EXOSC10: variants seen among roughly 807,000 people sequenced by gnomAD.
EXOSC10 encodes the protein exosome component 10, also known as exosome complex component 10.
A neutral mutation model predicts 126.6 loss-of-function variants in EXOSC10; 94 were observed. That is an observed-to-expected ratio of 0.74 (90% CI 0.63 to 0.88). The LOEUF is 0.88. Among genes scored for constraint, EXOSC10 ranks in the 40% least tolerant of loss-of-function variants. The pLI, the probability that EXOSC10 is intolerant of heterozygous loss-of-function variation, is 0.00. For missense variants in EXOSC10, 1,041 were observed against 1,100.5 expected (o/e 0.95, Z 0.77); for synonymous variants, 395 against 400.8 (o/e 0.99, Z 0.17).
At chr1:11,067,313 T>TG (rs1426297793) in intron 24 of EXOSC10, among the ~76,000 whole-genome samples, 1 of 151,958 alleles carries the variant, frequency 6.6e-6, no homozygotes, top group Non-Finnish European at 1.5e-5. Context: ...GCGCCTGTGG[T>TG]CCCAGCTACT....
At chr1:11,087,149 C>A (rs1424588825) in intron 9 of EXOSC10, among the ~76,000 whole-genome samples, 2 of 152,300 alleles carry the variant, frequency 1.3e-5, no homozygotes, top group Admixed American at 6.5e-5. Context: ...CAATGAGACA[C>A]ATGAAAGCAG....
In EXOSC10 at chr1:11,099,806, G is replaced by A. The variant is rs748358094; in HGVS notation, c.26C>T (p.Pro9Leu). The A allele has an allele frequency of 1.9e-6, 3 of 1,611,666 alleles. No homozygotes were observed. The highest frequency in any genetic ancestry group is 2.5e-6 in the Non-Finnish European group (3 of 1,178,894). MAPPSTRE[P>L]RVLSATSATK... Reference sequence around the variant, plus strand: ...TGCGCTGGTCGCCGACAGGACCCTGGGCTCCCGGGTACTGGGTGGCGCCAT... The same window carrying A: ...TGCGCTGGTCGCCGACAGGACCCTGAGCTCCCGGGTACTGGGTGGCGCCAT... Residue 9 changes from proline to leucine, a missense_variant, in exon 1 of 25, where the codon CCC (proline) becomes CTC (leucine). Transcript: ENST00000376936.
chr1:11,071,524 C>T (rs1639489627), intron 20 of EXOSC10: 2 of 166,516 alleles, frequency 1.2e-5, no homozygotes, highest in African/African-American at 4.8e-5. Flanking sequence ...TGCCATGTCT[C>T]CTATCCCTTC....
At chr1:11,093,351 T>C (rs982893333) in intron 3 of EXOSC10, among the ~76,000 whole-genome samples, 1 of 152,228 alleles carries the variant, frequency 6.6e-6, no homozygotes. Context: ...CTCATCTATT[T>C]TGCACTTTAA....
At chr1:11,082,926 A>G (rs776879253) in intron 9 of EXOSC10, 48 bp from the exon 10 acceptor site, 2 of 1,435,536 alleles carry the variant, frequency 1.4e-6, no homozygotes, top group African/African-American at 1.4e-5. Context: ...CAGGCCACTC[A>G]TGCTCAGAAA....
intron 6 of EXOSC10, among the ~76,000 whole-genome samples, chr1:11,089,359 C>T (rs992350839): frequency 6.6e-6 from 1 of 151,488 alleles, no homozygotes; most frequent in Non-Finnish European, 1.5e-5. Flanking sequence ...CCTGTAATCC[C>T]AGCACTTTGG....
Position 11,099,788 on chromosome 1 carries a change from G to C in EXOSC10, c.44C>G (p.Thr15Ser). 6.2e-7 allele frequency: 1 copy of C among 1,611,956 alleles called. No homozygotes were observed. Among genetic ancestry groups the C allele is most frequent in the Non-Finnish European group, 8.5e-7 (1 of 1,179,036 alleles). Reference protein sequence around the residue: ...STREPRVLSATSATKSDGEMV... With the variant: ...STREPRVLSASSATKSDGEMV... ...CTCTCCGTCGGATTTGGTTGCGCTGGTCGCCGACAGGACCCTGGGCTCCCG... is the reference window on the plus strand; with the variant it reads ...CTCTCCGTCGGATTTGGTTGCGCTGCTCGCCGACAGGACCCTGGGCTCCCG... Residue 15 changes from threonine (T) to serine (S), a missense_variant, in exon 1 of 25, where the codon ACC becomes AGC. Thr to Ser is a moderately conservative substitution (Grantham distance 58). Transcript: ENST00000376936.
At chr1:11,084,932 A>G (rs1284424692) in intron 9 of EXOSC10, among the ~76,000 whole-genome samples, 2 of 152,126 alleles carry the variant, frequency 1.3e-5, no homozygotes, top group Non-Finnish European at 2.9e-5. Flanking sequence ...AAGATCAGAT[A>G]GTTGTAGATA....
At chr1:11,083,755 C>T (rs942003675) in intron 9 of EXOSC10, among the ~76,000 whole-genome samples, 10 of 152,260 alleles carry the variant, frequency 6.6e-5, no homozygotes, top group African/African-American at 2.4e-4. Context: ...TTAGGTATAT[C>T]TCCCAATGCT....
Position 11,095,832 on chromosome 1 carries a change from G to C in EXOSC10, c.298C>G (p.Arg100Gly), listed in dbSNP as rs375807419. Residue 100 changes from arginine to glycine, a missense_variant, in exon 3 of 25, where the codon CGA (arginine) becomes GGA (glycine). Coordinates refer to ENST00000376936, the MANE Select transcript of EXOSC10 (RefSeq NM_001001998.3). ...YHGCRSNIKD[R>G]SKVTELEDKF... ...TCTTCCAGCTCAGTCACTTTACTTC[G>C]ATCCTTAATGTTGCTGCGACACCCA... is the stretch of plus-strand genomic sequence containing the variant. 5 of 1,613,862 alleles carry C rather than the reference G, an allele frequency of 3.1e-6. No individual in the cohort carries two copies. Among genetic ancestry groups the C allele is most frequent in the South Asian group, 1.1e-5 (1 of 91,080 alleles).
Position 11,091,611 on chromosome 1 carries a change from A to C in EXOSC10, c.373-14T>G, listed in dbSNP as rs370693113. 4.9e-4 allele frequency: 788 copies of C among 1,597,426 alleles called. 2 individuals carry two copies. Among genetic ancestry groups the C allele is most frequent in the Non-Finnish European group, 3.5e-4 (403 of 1,165,798 alleles). ...CAGTAAAATACCCTAAGAGTAGAAG[A>C]GGTACTGGTTAAGCATTTTTCCTTT... On this transcript the variant is annotated splice_polypyrimidine_tract_variant and intron_variant, in intron 3 of 24. Transcript: ENST00000376936.
chr1:11,089,222 T>TAAAAAAAAAAA lies in EXOSC10; in HGVS notation c.759-1035_759-1025dup, dbSNP rs533212430. Among the ~76,000 whole-genome samples, 50 of 49,758 alleles carry TAAAAAAAAAAA rather than the reference T, an allele frequency of 1.0e-3. 2 individuals carry two copies. Among genetic ancestry groups the TAAAAAAAAAAA allele is most frequent in the African/African-American group, 2.7e-3 (46 of 17,208 alleles). 32.6% of individuals were successfully genotyped at this position (49,758 alleles called of 152,430 possible). A position where few individuals can be genotyped will look rare whatever the true frequency, so the allele number is the denominator to read the frequency against. On this transcript the variant is annotated intron_variant, in intron 6 of 24. Transcript: ENST00000376936. ...CCCAGCCTGGGTGACAGAGCAAAAC[T>TAAAAAAAAAAA]AAAAAAAAAAAAAAAAAAAAAAGTG...
In EXOSC10 at chr1:11,082,713, A is replaced by G; in HGVS notation, c.1255T>C (p.Tyr419His). The G allele has an allele frequency of 6.2e-7, 1 of 1,614,192 alleles. No individual in the cohort carries two copies. The change falls in exon 10 of 25, where the codon TAT becomes CAT. Residue 419 changes from tyrosine to histidine, a missense_variant. By Grantham distance (83) the Tyr-to-His change is moderately conservative (BLOSUM62 2). Coordinates refer to ENST00000376936, the MANE Select transcript of EXOSC10 (RefSeq NM_001001998.3). ...CGTATTCTCCAATCAGCCAGCTGATATTGCTTGTTTGAGTCCACGTTGCAG... is the reference window on the plus strand; with the variant it reads ...CGTATTCTCCAATCAGCCAGCTGATGTTGCTTGTTTGAGTCCACGTTGCAG... ...LYCNVDSNKQ[Y>H]QLADWRIRPL...
chr1:11,085,315 T>C (rs1640429499), intron 9 of EXOSC10, among the ~76,000 whole-genome samples: 1 of 152,204 alleles, frequency 6.6e-6, no homozygotes, highest in Admixed American at 6.5e-5. Context: ...GAGCAGTGGT[T>C]TGTAGTTCTC....
At chr1:11,077,325 C>T (rs1639874605) in intron 16 of EXOSC10, 40 bp downstream of exon 16, 2 of 1,587,936 alleles carry the variant, frequency 1.3e-6, no homozygotes, top group Non-Finnish European at 1.7e-6. Context: ...TAGCTGTGTC[C>T]CAACCTCTTC....
At chr1:11,083,064 C>T (rs1640257542) in intron 9 of EXOSC10, among the ~76,000 whole-genome samples, 186 bp from the exon 10 acceptor site, 1 of 152,190 alleles carries the variant, frequency 6.6e-6, no homozygotes, top group African/African-American at 2.4e-5. Flanking sequence ...AATCCTCCCA[C>T]CTCAGCCTCC....
intron 4 of EXOSC10, 47 bp downstream of exon 4, chr1:11,091,446 T>C: frequency 6.6e-7 from 1 of 1,505,198 alleles, no homozygotes; most frequent in Non-Finnish European, 9.2e-7. Flanking sequence ...AAAATCTCTG[T>C]TATGAAGCTG....
intron 5 of EXOSC10, 124 bp downstream of exon 5, chr1:11,090,890 G>A: frequency 1.9e-6 from 2 of 1,045,162 alleles, no homozygotes; most frequent in Non-Finnish European, 2.8e-6. Flanking sequence ...TAGCTGAACT[G>A]GGCTCCCTTT....
intron 24 of EXOSC10, among the ~76,000 whole-genome samples, 181 bp downstream of exon 24, chr1:11,067,827 A>C (rs1452086410): frequency 6.6e-6 from 1 of 152,034 alleles, no homozygotes; most frequent in African/African-American, 2.4e-5. Context: ...GCACAGAGCA[A>C]ATCACCTCCC....
Sources: allele counts gnomAD v4.1 joint callset (sites outside exome capture counted in the v4.1 genomes callset), GRCh38; gene constraint gnomAD v4.1.1; transcripts MANE v1.5; gene names NCBI Gene and HGNC (gene_info 2026-07-23, HGNC 2026-07-21).